The following CHN2 variants were observed in gnomAD, a reference collection of about 807,000 sequenced individuals.
CHN2 encodes the protein chimerin 2, also known as beta-chimaerin.
Under a neutral mutation model 56.3 loss-of-function variants are expected in CHN2, and 35 were observed. The ratio of observed to expected loss-of-function variants is 0.62; its 90% confidence interval spans 0.47 to 0.82. The LOEUF is 0.82. CHN2 is among the 40% of genes least tolerant of loss of function. CHN2 has a pLI of 0.00. For synonymous variants in CHN2, 210 were observed against 212.8 expected, an observed-to-expected ratio of 0.99 and a Z score of 0.12; for missense variants, 491 against 580.5, an observed-to-expected ratio of 0.85 and a Z score of 1.58.
intron 1 of CHN2, among the ~76,000 whole-genome samples, chr7:29,311,517 G>A (rs1794603326): frequency 6.6e-6 from 1 of 152,186 alleles, no homozygotes; most frequent in Non-Finnish European, 1.5e-5. Context: ...AGAAAACTGA[G>A]GCACAAAGAG....
intron 1 of CHN2, among the ~76,000 whole-genome samples, chr7:29,332,188 C>T (rs1379462866): frequency 1.3e-5 from 2 of 152,150 alleles, no homozygotes; most frequent in Non-Finnish European, 2.9e-5. Flanking sequence ...GTCCAAGCTC[C>T]ACCCAAGCTT....
At chr7:29,160,043 C>T (rs1689835578) in intron 2 of CHN2, among the ~76,000 whole-genome samples, 1 of 152,178 alleles carries the variant, frequency 6.6e-6, no homozygotes, top group South Asian at 2.1e-4. Flanking sequence ...AGCCAATCTT[C>T]ATTATTATCT....
At chr7:29,373,789 A>C (rs1432810182) in intron 3 of CHN2, among the ~76,000 whole-genome samples, 1 of 152,204 alleles carries the variant, frequency 6.6e-6, no homozygotes, top group African/African-American at 2.4e-5. Context: ...AGATCTTAAC[A>C]GGCCATATTG....
intron 1 of CHN2, chr7:29,293,076 CAG>C: frequency 2.2e-6 from 1 of 452,768 alleles, no homozygotes; most frequent in Non-Finnish European, 4.4e-6. Flanking sequence ...ATTGCAAAGA[CAG>C]AGCTGTCAGG....
intron 3 of CHN2, among the ~76,000 whole-genome samples, chr7:29,372,814 A>C (rs773613610): frequency 6.6e-6 from 1 of 152,232 alleles, no homozygotes; most frequent in African/African-American, 2.4e-5. Context: ...CAAAATGGCA[A>C]GATTTACTTG....
At chr7:29,234,129 G>A (rs888072196) in intron 1 of CHN2, among the ~76,000 whole-genome samples, 3 of 151,304 alleles carry the variant, frequency 2.0e-5, no homozygotes, top group Non-Finnish European at 2.9e-5. Context: ...CACCGCGCCC[G>A]GCCAACACCT....
At position 29,504,805 on chromosome 7, in the gene CHN2, A is replaced by G; in HGVS notation, c.975A>G (p.Lys325=). ...TCACTGAACACATTGAAGATGTCAAAATGGCATTTGACAGAGGTAAGCTTG... is the reference window on the plus strand; with the variant it reads ...TCACTGAACACATTGAAGATGTCAAGATGGCATTTGACAGAGGTAAGCTTG... ...SGFTEHIEDV[K]MAFDRDGEKA... The change falls in exon 10 of 13, where the codon AAA becomes AAG. Residue 325 remains lysine (K), a synonymous_variant. Coordinates refer to ENST00000222792, the MANE Select transcript of CHN2 (RefSeq NM_004067.4). The G allele has an allele frequency of 6.2e-7, 1 of 1,613,256 alleles. No individual in the cohort carries two copies. Among genetic ancestry groups the G allele is most frequent in the Non-Finnish European group, 8.5e-7 (1 of 1,179,470 alleles).
At chr7:29,301,749 T>G (rs1465610537) in intron 1 of CHN2, among the ~76,000 whole-genome samples, 2 of 152,250 alleles carry the variant, frequency 1.3e-5, no homozygotes, top group African/African-American at 4.8e-5. Flanking sequence ...TCTTTGAGTT[T>G]TAACACATTG....
At chr7:29,287,687 C>T (rs1043834748) in intron 1 of CHN2, among the ~76,000 whole-genome samples, 3 of 152,082 alleles carry the variant, frequency 2.0e-5, no homozygotes, top group Non-Finnish European at 4.4e-5. Flanking sequence ...GCTGATAGTC[C>T]GTTTGGGTTG....
At chr7:29,152,498 T>C (rs951658894) in intron 2 of CHN2, among the ~76,000 whole-genome samples, 3 of 152,182 alleles carry the variant, frequency 2.0e-5, no homozygotes, top group Non-Finnish European at 2.9e-5. Flanking sequence ...CCACCTTTAC[T>C]GAGCCAAGGA....
Position 29,482,472 on chromosome 7 carries a change from A to T in CHN2, c.654+2116A>T, listed in dbSNP as rs1210431888. Among the ~76,000 whole-genome samples the T allele has an allele frequency of 2.6e-5, 4 of 152,292 alleles. No homozygotes were observed. In the East Asian group the frequency reaches 7.7e-4, roughly 29 times the overall value. ...AACTTTACATGGTTTTTGGAAGAAC[A>T]TTCAAAAAGCAGGCTCAGGCTATAA... On this transcript the variant is annotated intron_variant, in intron 7 of 12. Coordinates refer to ENST00000222792, the MANE Select transcript of CHN2 (RefSeq NM_004067.4).
intron 1 of CHN2, among the ~76,000 whole-genome samples, chr7:29,255,554 T>C (rs1370309362): frequency 6.6e-6 from 1 of 152,220 alleles, no homozygotes; most frequent in African/African-American, 2.4e-5. Flanking sequence ...TTCTCTTGTC[T>C]TTCTTTTCAA....
chr7:29,167,226 TA>T (rs1796030612), intron 2 of CHN2, among the ~76,000 whole-genome samples: 2 of 152,222 alleles, frequency 1.3e-5, no homozygotes, highest in Admixed American at 6.5e-5. Context: ...AATCCTAAAA[TA>T]ATATATTAAT....
At chr7:29,460,644 C>A (rs1785097148) in intron 6 of CHN2, among the ~76,000 whole-genome samples, 2 of 152,220 alleles carry the variant, frequency 1.3e-5, no homozygotes, top group South Asian at 4.1e-4. Flanking sequence ...GATTTGGCTT[C>A]AGGACCTTTC....
chr7:29,365,116 C>T (rs896480865), intron 2 of CHN2, among the ~76,000 whole-genome samples: 5 of 152,144 alleles, frequency 3.3e-5, no homozygotes, highest in Non-Finnish European at 5.9e-5. Flanking sequence ...CATCGGAAGA[C>T]GTACCATAGT....
rs1394377298 is a variant in CHN2, at chr7:29,417,315, C to CT, written c.576+16487_576+16488insT. Among the ~76,000 whole-genome samples, 14 of 133,764 alleles carry CT rather than the reference C, an allele frequency of 1.0e-4. No homozygotes were observed. The East Asian group carries it at 2.5e-3, about 24-fold the overall frequency. 87.8% of individuals were successfully genotyped at this position (133,764 alleles called of 152,430 possible). A position where few individuals can be genotyped will look rare whatever the true frequency, so the allele number is the denominator to read the frequency against. On this transcript the variant is annotated intron_variant, in intron 6 of 12. Transcript: ENST00000222792. The stretch of plus-strand genomic sequence containing the variant: ...CCCAGGTTGCTCATTGTCTTTGTGA[C>CT]ATTTTTTTACTGTAACCCTTTTTTT...
chr7:29,503,431 C>T (rs758675803), intron 9 of CHN2, among the ~76,000 whole-genome samples: 1 of 152,176 alleles, frequency 6.6e-6, no homozygotes. Flanking sequence ...GTGCATGTTC[C>T]AACTGGAATG....
intron 1 of CHN2, among the ~76,000 whole-genome samples, chr7:29,249,484 A>G (rs899856306): frequency 2.0e-5 from 3 of 152,344 alleles, no homozygotes; most frequent in South Asian, 2.1e-4. Context: ...TCAGACTCAC[A>G]TGACAACGTC....
chr7:29,379,716 C>G (rs1250852313), intron 3 of CHN2, among the ~76,000 whole-genome samples: 3 of 151,992 alleles, frequency 2.0e-5, no homozygotes, highest in African/African-American at 7.3e-5. Context: ...GTGCTCTGGC[C>G]CATGGAACAA....
Sources: allele counts gnomAD v4.1 joint callset (sites outside exome capture counted in the v4.1 genomes callset), GRCh38; gene constraint gnomAD v4.1.1; transcripts MANE v1.5; gene names NCBI Gene and HGNC (gene_info 2026-07-23, HGNC 2026-07-21).